USP8: variants seen among roughly 807,000 people sequenced by gnomAD.
USP8 encodes ubiquitin carboxyl-terminal hydrolase 8.
A neutral mutation model predicts 130.0 loss-of-function variants in USP8; 27 were observed. That is an observed-to-expected ratio of 0.21 (90% CI 0.15 to 0.29). The LOEUF (loss-of-function observed/expected upper bound fraction) is 0.29. Ranked by LOEUF, USP8 falls within the 10% of genes least tolerant of loss-of-function variation. The pLI is 1.00. For synonymous variants in USP8, 392 were observed against 444.1 expected (o/e 0.88, Z 1.48); for missense variants, 1,029 against 1,312.2 (o/e 0.78, Z 3.33).
chr15:50,482,215 C>A, intron 11 of USP8, 150 bp downstream of exon 11: 1 of 670,078 alleles, frequency 1.5e-6, no homozygotes, highest in Non-Finnish European at 2.2e-6. Flanking sequence ...ATTTGCTCAT[C>A]TATTCTCCTT....
At chr15:50,454,283 G>C in intron 4 of USP8, among the ~76,000 whole-genome samples, 1 of 152,066 alleles carries the variant, frequency 6.6e-6, no homozygotes, top group East Asian at 1.9e-4. Context: ...CATTGTTTCT[G>C]ATATTAAGCA....
In USP8 at chr15:50,512,548, G is replaced by A. The variant is rs2052751740; in HGVS notation, c.*13460G>A. On this transcript the variant is annotated 3_prime_UTR_variant, in exon 20 of 20. Transcript: ENST00000307179. ...CACACCTGTAATCCCAGCACTTTGG[G>A]AGGCCCTGAGATGGGCAGATCACTT... 1 of 152,504 alleles carries A rather than the reference G, an allele frequency of 6.6e-6. No individual in the cohort carries two copies. The highest frequency in any genetic ancestry group is 2.1e-4 in the South Asian group (1 of 4,818). 9.4% of individuals were successfully genotyped at this position (152,504 alleles called of 1,614,324 possible).
At chr15:50,477,209 T>C in intron 9 of USP8, 67 bp from the exon 10 acceptor site, 1 of 1,392,224 alleles carries the variant, frequency 7.2e-7, no homozygotes, top group South Asian at 1.3e-5. Flanking sequence ...TTAACACGCA[T>C]GAGAAATGTA....
At chr15:50,490,632 T>G in intron 14 of USP8, 107 bp downstream of exon 14, 1 of 1,372,956 alleles carries the variant, frequency 7.3e-7, no homozygotes, top group East Asian at 2.4e-5. Context: ...TTTCTGTGGA[T>G]GGCTATACCA....
chr15:50,461,792 G>A (rs2051016290), intron 5 of USP8, among the ~76,000 whole-genome samples: 1 of 151,722 alleles, frequency 6.6e-6, no homozygotes, highest in South Asian at 2.1e-4. Flanking sequence ...GGCAGAGGTT[G>A]CAGTGTGCCA....
intron 4 of USP8, among the ~76,000 whole-genome samples, 196 bp from the exon 5 acceptor site, chr15:50,458,804 T>C (rs1353214566): frequency 3.3e-5 from 5 of 152,200 alleles, no homozygotes; most frequent in Non-Finnish European, 7.3e-5. Flanking sequence ...ATACAGTTTC[T>C]TTTTAATAGT....
chr15:50,438,230 G>A (rs1187263194), intron 1 of USP8, among the ~76,000 whole-genome samples: 1 of 152,180 alleles, frequency 6.6e-6, no homozygotes, highest in Non-Finnish European at 1.5e-5. Context: ...AGGATTAGAT[G>A]TTCATTGATG....
intron 19 of USP8, 80 bp downstream of exon 19, chr15:50,498,808 AAG>A: frequency 6.4e-7 from 1 of 1,550,642 alleles, no homozygotes; most frequent in Non-Finnish European, 8.7e-7. Flanking sequence ...TACCTCATGG[AAG>A]AGTAAGAACA....
chr15:50,472,345 C>T (rs940871119), intron 8 of USP8, among the ~76,000 whole-genome samples: 5 of 151,728 alleles, frequency 3.3e-5, no homozygotes, highest in Non-Finnish European at 7.4e-5. Context: ...CCTGTAACCC[C>T]AGCACTTTGG....
intron 12 of USP8, among the ~76,000 whole-genome samples, chr15:50,485,427 G>T (rs1225900163): frequency 1.3e-5 from 2 of 148,362 alleles, no homozygotes; most frequent in African/African-American, 2.5e-5. Context: ...TCCAGCCTGG[G>T]CAACAGAGTG....
At chr15:50,468,074 T>G (rs999434922) in intron 7 of USP8, among the ~76,000 whole-genome samples, 2 of 151,880 alleles carry the variant, frequency 1.3e-5, no homozygotes, top group Non-Finnish European at 2.9e-5. Flanking sequence ...TAGCTGGGAT[T>G]ACAGGCACGT....
chr15:50,488,989 T>G (rs2052064206), intron 12 of USP8, among the ~76,000 whole-genome samples: 1 of 152,176 alleles, frequency 6.6e-6, no homozygotes, highest in African/African-American at 2.4e-5. Context: ...AGTGCTGGAT[T>G]ACAGGCATGA....
intron 12 of USP8, among the ~76,000 whole-genome samples, chr15:50,486,782 T>G (rs1160974536): frequency 1.3e-5 from 2 of 152,172 alleles, no homozygotes; most frequent in African/African-American, 4.8e-5. Context: ...ACAAATAGGG[T>G]GCAGTGTATA....
Position 50,490,479 on chromosome 15 carries a change from G to C in USP8, c.2188G>C (p.Glu730Gln). Residue 730 changes from glutamate (E) to glutamine (Q), a missense_variant, in exon 14 of 20, where the codon GAG (glutamate) becomes CAG (glutamine). Physicochemically the swap from Glu to Gln is conservative, Grantham distance 29. Transcript: ENST00000307179. ...PDITQAIQEEEKRKPTVTPTV... is the reference protein window; with the variant it reads ...PDITQAIQEEQKRKPTVTPTV... The stretch of plus-strand genomic sequence containing the variant: ...TATAACCCAGGCTATTCAAGAGGAA[G>C]AGAAGAGGAAGCCAACAGTAACTCC... 1 of 1,614,146 alleles carries C rather than the reference G, an allele frequency of 6.2e-7. No individual in the cohort carries two copies.
chr15:50,488,130 AT>A (rs1198951053), intron 12 of USP8, among the ~76,000 whole-genome samples: 1 of 152,058 alleles, frequency 6.6e-6, no homozygotes, highest in Non-Finnish European at 1.5e-5. Flanking sequence ...ATTCTGTCAT[AT>A]TTTTCACATG....
intron 15 of USP8, chr15:50,493,161 C>T (rs2052244082): frequency 1.7e-6 from 1 of 571,926 alleles, no homozygotes; most frequent in Admixed American, 2.2e-5. Context: ...ACAGACTCGT[C>T]CTGTCGAGCC....
chr15:50,499,201 A>G lies in USP8; in HGVS notation c.*113A>G. ...TGGCCATTTAGAGGAATTCTAGGACAGTGGGAGCTGTGTTACTAGCACTAT... is the reference window on the plus strand; with the variant it reads ...TGGCCATTTAGAGGAATTCTAGGACGGTGGGAGCTGTGTTACTAGCACTAT... On this transcript the variant is annotated 3_prime_UTR_variant, in exon 20 of 20. Transcript: ENST00000307179. The G allele has an allele frequency of 9.4e-7, 1 of 1,061,498 alleles. No homozygotes were observed. Among genetic ancestry groups the G allele is most frequent in the Non-Finnish European group, 1.3e-6 (1 of 762,274 alleles). The allele number at this position is 1,061,498 out of a possible 1,614,324, so 65.8% of individuals were successfully genotyped here.
intron 1 of USP8, among the ~76,000 whole-genome samples, chr15:50,436,437 C>T (rs574076849): frequency 6.6e-6 from 1 of 152,128 alleles, no homozygotes; most frequent in Non-Finnish European, 1.5e-5. Context: ...TGATATCATA[C>T]TATGCTGTAT....
At chr15:50,471,820 A>C in intron 8 of USP8, 25 bp downstream of exon 8, 2 of 1,609,746 alleles carry the variant, frequency 1.2e-6, no homozygotes, top group Non-Finnish European at 1.7e-6. Flanking sequence ...TTGTTAGTTT[A>C]TTGTAATTGC....
Sources: gnomAD v4.1 joint callset for allele counts (sites outside exome capture counted in the v4.1 genomes callset) on GRCh38, gnomAD v4.1.1 for gene constraint, MANE v1.5 for transcripts, NCBI Gene and HGNC (gene_info 2026-07-23, HGNC 2026-07-21) for gene names.